SCHIP1: variants seen among roughly 807,000 people sequenced by gnomAD.
SCHIP1 encodes the protein schwannomin interacting protein 1, also known as schwannomin-interacting protein 1.
A neutral mutation model predicts 29.7 loss-of-function variants in SCHIP1; 8 were observed. That is an observed-to-expected ratio of 0.27 (90% confidence interval 0.16 to 0.49). SCHIP1 has a LOEUF of 0.49. Among genes scored for constraint, SCHIP1 ranks in the 20% least tolerant of loss-of-function variants. SCHIP1 has a pLI of 0.99. For synonymous variants in SCHIP1, 76 were observed against 94.9 expected (o/e 0.80, Z 1.16); for missense variants, 193 against 294.6 (o/e 0.66, Z 2.52).
At chr3:159,641,140 T>C in the SCHIP1 span, among the ~76,000 whole-genome samples, 12 of 152,204 alleles carry the variant, frequency 7.9e-5, no homozygotes, top group East Asian at 1.3e-3. Flanking sequence ...TGGTATGTAA[T>C]AGCCATTCAA....
chr3:159,659,813 A>G, the SCHIP1 span, among the ~76,000 whole-genome samples: 1 of 152,220 alleles, frequency 6.6e-6, no homozygotes, highest in African/African-American at 2.4e-5. Context: ...CAGAACAGAA[A>G]GTGGCATGAA....
the SCHIP1 span, among the ~76,000 whole-genome samples, chr3:159,830,190 T>C: frequency 1.3e-5 from 2 of 152,206 alleles, no homozygotes; most frequent in Admixed American, 1.3e-4. Flanking sequence ...TGTAAAGCTA[T>C]ATCTGGAATA....
At chr3:159,484,483 T>G in the SCHIP1 span, among the ~76,000 whole-genome samples, 1 of 152,178 alleles carries the variant, frequency 6.6e-6, no homozygotes, top group Non-Finnish European at 1.5e-5. Context: ...GGGAATGGCC[T>G]GTTGACACCA....
chr3:159,557,516 T>A, the SCHIP1 span, among the ~76,000 whole-genome samples: 2 of 152,160 alleles, frequency 1.3e-5, no homozygotes, highest in Non-Finnish European at 2.9e-5. Context: ...ATAGCGGGTA[T>A]TTAAGAATCA....
chr3:159,555,409 G>A, the SCHIP1 span, among the ~76,000 whole-genome samples: 1 of 152,142 alleles, frequency 6.6e-6, no homozygotes, highest in African/African-American at 2.4e-5. Context: ...TGTTACACAG[G>A]GTTCAGAGCT....
the SCHIP1 span, among the ~76,000 whole-genome samples, chr3:159,587,917 C>T: frequency 6.6e-6 from 1 of 152,088 alleles, no homozygotes; most frequent in Non-Finnish European, 1.5e-5. Flanking sequence ...TGAATAGTTC[C>T]ACAATAAACA....
the SCHIP1 span, among the ~76,000 whole-genome samples, chr3:159,338,632 G>C: frequency 3.3e-5 from 5 of 152,130 alleles, no homozygotes; most frequent in Admixed American, 6.6e-5. Context: ...GGTAGATTCA[G>C]AAAGACTAGT....
At chr3:159,515,577 T>C in the SCHIP1 span, among the ~76,000 whole-genome samples, 2 of 152,244 alleles carry the variant, frequency 1.3e-5, no homozygotes, top group Admixed American at 6.5e-5. Flanking sequence ...ATACATTTTG[T>C]GATCAACGGA....
the SCHIP1 span, among the ~76,000 whole-genome samples, chr3:159,349,583 T>C: frequency 6.6e-6 from 1 of 152,162 alleles, no homozygotes; most frequent in East Asian, 1.9e-4. Flanking sequence ...ATATAAGGTG[T>C]CCCTACTACA....
chr3:159,712,889 C>T, the SCHIP1 span, among the ~76,000 whole-genome samples: 41 of 147,904 alleles, frequency 2.8e-4, no homozygotes, highest in African/African-American at 8.8e-4. Context: ...AGGCCAGGCA[C>T]GGTGGCTCAT....
chr3:159,729,008 G>A, the SCHIP1 span, among the ~76,000 whole-genome samples: 8 of 151,958 alleles, frequency 5.3e-5, no homozygotes, highest in East Asian at 1.9e-4. Context: ...AATCATCTGG[G>A]CATGGTGGTA....
the SCHIP1 span, among the ~76,000 whole-genome samples, chr3:159,720,239 G>A: frequency 0.011 from 1,264 of 119,734 alleles, 10 homozygotes; most frequent in Middle Eastern, 0.044. Flanking sequence ...GGGGTGGGGG[G>A]AGGGGGGAGG....
At chr3:159,669,356 C>A in the SCHIP1 span, among the ~76,000 whole-genome samples, 13 of 152,246 alleles carry the variant, frequency 8.5e-5, no homozygotes, top group Non-Finnish European at 1.6e-4. Context: ...TGGATCATGA[C>A]TGTCGTCATC....
the SCHIP1 span, among the ~76,000 whole-genome samples, chr3:159,570,442 A>G: frequency 3.9e-4 from 59 of 152,282 alleles, no homozygotes; most frequent in Middle Eastern, 6.8e-3. Flanking sequence ...TTTCTCAAAG[A>G]TCAGATGGTT....
At chr3:159,784,799 G>A in the SCHIP1 span, among the ~76,000 whole-genome samples, 3 of 152,106 alleles carry the variant, frequency 2.0e-5, no homozygotes, top group Non-Finnish European at 2.9e-5. Flanking sequence ...GACTACAGAC[G>A]CGTGCCACCA....
the SCHIP1 span, among the ~76,000 whole-genome samples, chr3:159,310,313 A>G: frequency 6.6e-6 from 1 of 152,232 alleles, no homozygotes; most frequent in Non-Finnish European, 1.5e-5. Context: ...TGCTGTGTCT[A>G]GTAATGCATC....
At chr3:159,511,611 G>T in the SCHIP1 span, among the ~76,000 whole-genome samples, 1 of 152,040 alleles carries the variant, frequency 6.6e-6, no homozygotes, top group African/African-American at 2.4e-5. Flanking sequence ...TCTTGGAACC[G>T]CACCCTGAGC....
intron 1 of SCHIP1, among the ~76,000 whole-genome samples, chr3:159,850,542 C>CAAAAAAAAAAA (rs61224003): frequency 9.5e-6 from 1 of 104,936 alleles, no homozygotes; most frequent in Non-Finnish European, 2.0e-5. Flanking sequence ...GATTCCATCT[C>CAAAAAAAAAAA]AAAAAAAAAA....
chr3:159,860,905 T>C (rs757692266), intron 1 of SCHIP1, among the ~76,000 whole-genome samples: 2 of 152,166 alleles, frequency 1.3e-5, no homozygotes, highest in Non-Finnish European at 2.9e-5. Flanking sequence ...CCTCTTGGTC[T>C]GACAGGCCCT....
Sources: allele counts gnomAD v4.1 joint callset (sites outside exome capture counted in the v4.1 genomes callset), GRCh38; gene constraint gnomAD v4.1.1; transcripts MANE v1.5; gene names NCBI Gene and HGNC (gene_info 2026-07-23, HGNC 2026-07-21).